Variants in SF3B3 observed in about 807,000 individuals in gnomAD.
The protein encoded by SF3B3 is SAP 130.
A neutral mutation model predicts 139.2 loss-of-function variants in SF3B3; 33 were observed. The observed-to-expected ratio is 0.24, with a 90% confidence interval of 0.18 to 0.32. The LOEUF is 0.32. SF3B3 is among the 10% of genes least tolerant of loss of function. SF3B3 has a pLI of 1.00. For synonymous variants in SF3B3, 596 were observed against 563.6 expected (o/e 1.06, Z -0.81); for missense variants, 818 against 1,509.4 (o/e 0.54, Z 7.59).
rs2050384296 is a variant in SF3B3 at position 70,556,956 on chromosome 16, G to A, written c.1937G>A (p.Gly646Asp). Residue 646 changes from glycine to aspartate, a missense_variant, in exon 15 of 26, where the codon GGT becomes GAT. Physicochemically the swap from Gly to Asp is moderately conservative, Grantham distance 94. Around this residue, in one of 14 missense-constraint regions of SF3B3, gnomAD observed 170 missense variants for 353.0 expected, o/e 0.48. Coordinates refer to ENST00000302516, the MANE Select transcript of SF3B3 (RefSeq NM_012426.5). Reference sequence around the variant, plus strand: ...GAGTCCTTGTGTATCGTGGAAATGGGTGGGACTGAGAAGCAGGATGAGCTG... The same window carrying A: ...GAGTCCTTGTGTATCGTGGAAATGGATGGGACTGAGAAGCAGGATGAGCTG... ...QPESLCIVEM[G>D]GTEKQDELGE... The A allele has an allele frequency of 1.2e-6, 2 of 1,614,006 alleles. No individual in the cohort carries two copies. Among genetic ancestry groups the A allele is most frequent in the Non-Finnish European group, 8.5e-7 (1 of 1,180,018 alleles).
At chr16:70,556,795 T>G (rs2050382989) in intron 14 of SF3B3, 91 bp from the exon 15 acceptor site, 2 of 1,478,970 alleles carry the variant, frequency 1.4e-6, no homozygotes, top group African/African-American at 1.4e-5. Context: ...AAGGAAGTAC[T>G]TTTTCAATCC....
At chr16:70,542,309 A>C (rs1597712396) in intron 9 of SF3B3, among the ~76,000 whole-genome samples, 2 of 152,368 alleles carry the variant, frequency 1.3e-5, no homozygotes, top group South Asian at 4.1e-4. Flanking sequence ...CAGTCTACAT[A>C]TAGCTGTATT....
intron 7 of SF3B3, among the ~76,000 whole-genome samples, chr16:70,538,714 A>T (rs937169919): frequency 1.3e-5 from 2 of 152,216 alleles, no homozygotes; most frequent in African/African-American, 4.8e-5. Context: ...TGTGAAGAAG[A>T]TAAAGGTCTC....
rs2050289623 is a variant in SF3B3, at chr16:70,548,450, G to C, written c.1402+8G>C. 6.2e-7 allele frequency: 1 copy of C among 1,613,072 alleles called. No homozygotes were observed. Among genetic ancestry groups the C allele is most frequent in the African/African-American group, 1.3e-5 (1 of 74,900 alleles). Reference sequence around the variant, plus strand: ...TGCGTCGACACATTGAAGGTAAGCAGCTTTTTCCCAATAGTCAAAATGAGG... The same window carrying C: ...TGCGTCGACACATTGAAGGTAAGCACCTTTTTCCCAATAGTCAAAATGAGG... On this transcript the variant is annotated splice_region_variant and intron_variant, in intron 11 of 25. Transcript: ENST00000302516.
At chr16:70,549,265 A>G (rs981123313) in intron 11 of SF3B3, among the ~76,000 whole-genome samples, 1 of 152,250 alleles carries the variant, frequency 6.6e-6, no homozygotes, top group African/African-American at 2.4e-5. Flanking sequence ...TGTATGAAAC[A>G]GATTGAAGGA....
At chr16:70,546,409 T>C (rs1304295205) in intron 10 of SF3B3, among the ~76,000 whole-genome samples, 2 of 152,148 alleles carry the variant, frequency 1.3e-5, no homozygotes, top group Non-Finnish European at 2.9e-5. Context: ...TCCAGCACTT[T>C]AGGAGGCTGA....
At chr16:70,555,376 G>A (rs1172925826) in intron 13 of SF3B3, among the ~76,000 whole-genome samples, 170 bp downstream of exon 13, 2 of 151,776 alleles carry the variant, frequency 1.3e-5, no homozygotes, top group Non-Finnish European at 2.9e-5. Flanking sequence ...CTACTCAGGA[G>A]GCTGAGGCAG....
chr16:70,539,300 C>G, intron 8 of SF3B3, 93 bp downstream of exon 8: 1 of 895,916 alleles, frequency 1.1e-6, no homozygotes, highest in East Asian at 2.5e-5. Flanking sequence ...ATAATCCTAG[C>G]ACTTTGGGAG....
chr16:70,548,518 A>T, intron 11 of SF3B3, 76 bp downstream of exon 11: 5 of 1,239,154 alleles, frequency 4.0e-6, no homozygotes, highest in Non-Finnish European at 5.9e-6. Flanking sequence ...GGCTGCGTTC[A>T]TAATACTTCT....
intron 10 of SF3B3, 86 bp from the exon 11 acceptor site, chr16:70,548,284 T>G: frequency 9.0e-7 from 1 of 1,110,224 alleles, no homozygotes; most frequent in South Asian, 1.2e-5. Context: ...AACCCTGCCT[T>G]TGAGACCTTA....
chr16:70,536,078 T>A (rs1008220670), intron 6 of SF3B3, among the ~76,000 whole-genome samples: 2 of 152,174 alleles, frequency 1.3e-5, no homozygotes, highest in Non-Finnish European at 2.9e-5. Context: ...ATGTATAGTT[T>A]ATATTCATAT....
At chr16:70,569,705 C>G (rs1251171096) in intron 23 of SF3B3, among the ~76,000 whole-genome samples, 1 of 152,088 alleles carries the variant, frequency 6.6e-6, no homozygotes, top group African/African-American at 2.4e-5. Context: ...TCACAGATCA[C>G]TGCAGCTTCC....
At chr16:70,528,852 C>G in intron 2 of SF3B3, 21 bp from the exon 3 acceptor site, 1 of 1,577,030 alleles carries the variant, frequency 6.3e-7, no homozygotes, top group Admixed American at 1.7e-5. Context: ...TGTTTATGAT[C>G]TTTATTTTTT....
chr16:70,561,997 A>G (rs1417098405), intron 17 of SF3B3, among the ~76,000 whole-genome samples: 15 of 152,212 alleles, frequency 9.9e-5, no homozygotes, highest in Non-Finnish European at 2.1e-4. Context: ...AAGATTTTCA[A>G]GGCCAAGCTT....
chr16:70,553,828 A>T (rs2050352683), intron 11 of SF3B3, among the ~76,000 whole-genome samples: 1 of 152,212 alleles, frequency 6.6e-6, no homozygotes, highest in African/African-American at 2.4e-5. Flanking sequence ...TTCTGTTTCT[A>T]AATAGTGAAA....
At chr16:70,529,380 A>G in intron 3 of SF3B3, 181 bp downstream of exon 3, 1 of 593,930 alleles carries the variant, frequency 1.7e-6, no homozygotes, top group African/African-American at 1.9e-5. Context: ...AACAATGGGA[A>G]AAATCTTAAC....
intron 5 of SF3B3, among the ~76,000 whole-genome samples, chr16:70,534,499 G>T (rs1031960741): frequency 1.3e-5 from 2 of 152,146 alleles, no homozygotes; most frequent in Non-Finnish European, 2.9e-5. Context: ...TAAGGAGGTA[G>T]AATCAATAGG....
intron 11 of SF3B3, chr16:70,550,811 A>G (rs2050317782): frequency 4.7e-6 from 1 of 212,522 alleles, no homozygotes; most frequent in Non-Finnish European, 8.1e-6. Flanking sequence ...CACTGGGCAT[A>G]ATAGTGCTGC....
At chr16:70,524,287 G>A (rs1248704627) in intron 1 of SF3B3, among the ~76,000 whole-genome samples, 3 of 152,168 alleles carry the variant, frequency 2.0e-5, no homozygotes, top group Non-Finnish European at 4.4e-5. Context: ...CGTGTTAAAA[G>A]CGTAAATAAC....
Sources: gnomAD v4.1 joint callset for allele counts (sites outside exome capture counted in the v4.1 genomes callset) on GRCh38, gnomAD v4.1.1 for gene constraint, gnomAD v4.1.1 regional missense constraint, MANE v1.5 for transcripts, NCBI Gene and HGNC (gene_info 2026-07-23, HGNC 2026-07-21) for gene names.